Variants in SORCS2 observed in about 807,000 individuals in gnomAD.
SORCS2 encodes sortilin related VPS10 domain containing receptor 2.
In SORCS2, 100 loss-of-function variants were observed where a neutral mutation model predicts 141.6. That is an observed-to-expected ratio of 0.71 (90% CI 0.60 to 0.83). The LOEUF is 0.83. SORCS2 is among the 40% of genes least tolerant of loss of function. SORCS2 has a pLI of 0.00. For synonymous variants in SORCS2, 789 were observed against 676.9 expected, an observed-to-expected ratio of 1.17 and a Z score of -2.57; for missense variants, 1,646 against 1,560.2, an observed-to-expected ratio of 1.05 and a Z score of -0.93.
chr4:7,688,607 C>A (rs1339144119), intron 10 of SORCS2, among the ~76,000 whole-genome samples: 1 of 152,144 alleles, frequency 6.6e-6, no homozygotes. Context: ...TTCATAAGGC[C>A]ACACTGCCAT....
intron 2 of SORCS2, among the ~76,000 whole-genome samples, chr4:7,464,717 A>G (rs1729508771): frequency 6.6e-6 from 1 of 151,436 alleles, no homozygotes; most frequent in Non-Finnish European, 1.5e-5. Flanking sequence ...ATCAATGACA[A>G]ATAAAAAACA....
chr4:7,470,807 C>T (rs935140746), intron 2 of SORCS2, among the ~76,000 whole-genome samples: 2 of 152,236 alleles, frequency 1.3e-5, no homozygotes, highest in African/African-American at 4.8e-5. Flanking sequence ...CTCTGACCAC[C>T]CCACTGCTTC....
At chr4:7,266,853 G>A (rs1424822541) in intron 1 of SORCS2, among the ~76,000 whole-genome samples, 1 of 152,170 alleles carries the variant, frequency 6.6e-6, no homozygotes, top group Admixed American at 6.5e-5. Flanking sequence ...CAGGCTGCCG[G>A]GCTCGAGTCC....
intron 1 of SORCS2, among the ~76,000 whole-genome samples, chr4:7,280,907 G>C (rs1429189390): frequency 2.6e-5 from 4 of 152,134 alleles, no homozygotes; most frequent in Admixed American, 2.6e-4. Flanking sequence ...TCCAGCACTC[G>C]GTAGGCATGA....
intron 1 of SORCS2, among the ~76,000 whole-genome samples, chr4:7,392,348 C>T (rs1723920485): frequency 6.6e-6 from 1 of 151,970 alleles, no homozygotes; most frequent in Non-Finnish European, 1.5e-5. Context: ...CGGGGAGCCC[C>T]CGGACATCAG....
chr4:7,211,547 A>G (rs1243393020), intron 1 of SORCS2, among the ~76,000 whole-genome samples: 1 of 152,036 alleles, frequency 6.6e-6, no homozygotes, highest in Non-Finnish European at 1.5e-5. Context: ...TAATTTTTGT[A>G]TTTTTGGTAG....
chr4:7,242,891 A>G (rs1430312075), intron 1 of SORCS2, among the ~76,000 whole-genome samples: 2 of 152,184 alleles, frequency 1.3e-5, no homozygotes, highest in South Asian at 2.1e-4. Context: ...TGCCGTCACA[A>G]TCGCTTGGCC....
At chr4:7,675,934 G>A in intron 8 of SORCS2, 116 bp from the exon 9 acceptor site, 2 of 1,215,260 alleles carry the variant, frequency 1.6e-6, no homozygotes, top group Non-Finnish European at 2.3e-6. Context: ...AGGCCAGGCT[G>A]GCTCCAGGAG....
chr4:7,634,121 C>G lies in SORCS2; in HGVS notation c.649-4207C>G, dbSNP rs1222807169. Among the ~76,000 whole-genome samples, 2 of 59,696 alleles carry G rather than the reference C, an allele frequency of 3.4e-5. 1 individual carries two copies. Among genetic ancestry groups the G allele is most frequent in the Non-Finnish European group, 1.0e-4 (2 of 19,978 alleles). The allele number at this position is 59,696 out of a possible 152,430, so 39.2% of individuals were successfully genotyped here. A position where few individuals can be genotyped will look rare whatever the true frequency, so the allele number is the denominator to read the frequency against. On this transcript the variant is annotated intron_variant, in intron 3 of 26. Transcript: ENST00000507866. ...CGGGCACCGTGGCTCATGCCTTAAT[C>G]CTAGCACTTTGGGAGGCCAAGGCGG... is the stretch of plus-strand genomic sequence containing the variant.
chr4:7,291,080 G>A (rs1336520076), intron 1 of SORCS2, among the ~76,000 whole-genome samples: 1 of 152,148 alleles, frequency 6.6e-6, no homozygotes, highest in Non-Finnish European at 1.5e-5. Context: ...ACAGGGCATG[G>A]AGCAGGGGGG....
At position 7,663,235 on chromosome 4, in the gene SORCS2, ATAAG is replaced by A. The variant is rs1438506723; in HGVS notation, c.953-1116_953-1113del. On this transcript the variant is annotated intron_variant, in intron 6 of 26. Transcript: ENST00000507866. This position sits in a 1 kb window ranked among gnomAD's most constrained non-coding sequence, Gnocchi z 4.8. ...GAGTGAATGAGTGAGTGAAGAGTGAATAAGTGAGTGAGTGAAGAGTGAATAAGTG... is the reference window on the plus strand; with the variant it reads ...GAGTGAATGAGTGAGTGAAGAGTGAATGAGTGAGTGAAGAGTGAATAAGTG... Among the ~76,000 whole-genome samples, 11 of 151,532 alleles carry A rather than the reference ATAAG, an allele frequency of 7.3e-5. No homozygotes were observed. The highest frequency in any genetic ancestry group is 3.9e-4 in the East Asian group (2 of 5,118).
intron 1 of SORCS2, among the ~76,000 whole-genome samples, chr4:7,325,057 C>G (rs12503728): frequency 6.6e-6 from 1 of 152,110 alleles, no homozygotes; most frequent in African/African-American, 2.4e-5. Flanking sequence ...GGGCTGCAGA[C>G]GAGGCTGTCA....
chr4:7,622,467 G>A (rs1276307410), intron 3 of SORCS2, among the ~76,000 whole-genome samples: 1 of 152,192 alleles, frequency 6.6e-6, no homozygotes, highest in African/African-American at 2.4e-5. Flanking sequence ...CAACTGCAGT[G>A]ATTCCAGCAT....
At chr4:7,253,991 C>G (rs1713677033) in intron 1 of SORCS2, among the ~76,000 whole-genome samples, 2 of 152,162 alleles carry the variant, frequency 1.3e-5, no homozygotes, top group Non-Finnish European at 2.9e-5. Context: ...TCACCCCAGT[C>G]AGAATGGCTA....
chr4:7,288,557 C>T (rs874629), intron 1 of SORCS2, among the ~76,000 whole-genome samples: 33 of 12,524 alleles, frequency 2.6e-3, no homozygotes, highest in Admixed American at 0.015. Context: ...GGGCGGGGGG[C>T]GGGGGGCGGG....
intron 3 of SORCS2, among the ~76,000 whole-genome samples, chr4:7,565,933 A>C (rs1714958368): frequency 7.0e-6 from 1 of 141,896 alleles, no homozygotes; most frequent in Non-Finnish European, 1.6e-5. Flanking sequence ...GATGGCAATG[A>C]TAGTGATGAT....
rs1713821763 is a variant in SORCS2, at chr4:7,255,844, C to T, written c.480+62718C>T. On this transcript the variant is annotated intron_variant, in intron 1 of 26. Coordinates refer to ENST00000507866, the MANE Select transcript of SORCS2 (RefSeq NM_020777.3). Reference sequence around the variant, plus strand: ...GGAGCGTGGGGACCCGGGGTTGGTGCGTGGGGACCCGGGGCTGGAGCGTGG... The same window carrying T: ...GGAGCGTGGGGACCCGGGGTTGGTGTGTGGGGACCCGGGGCTGGAGCGTGG... 1.3e-5 allele frequency among the ~76,000 whole-genome samples: 2 copies of T among 148,934 alleles called. 1 individual carries two copies. Among genetic ancestry groups the T allele is most frequent in the South Asian group, 4.4e-4 (2 of 4,574 alleles).
chr4:7,693,389 C>T (rs1464155660), intron 11 of SORCS2, among the ~76,000 whole-genome samples: 2 of 152,230 alleles, frequency 1.3e-5, no homozygotes, highest in Admixed American at 6.5e-5. Context: ...GGCTGCTCTC[C>T]ATGCCCAGGG....
At chr4:7,370,691 C>T (rs1269507243) in intron 1 of SORCS2, among the ~76,000 whole-genome samples, 4 of 152,170 alleles carry the variant, frequency 2.6e-5, no homozygotes, top group African/African-American at 4.8e-5. Flanking sequence ...AGCTGGTGTC[C>T]CCACGAGGCT....
Sources: allele counts gnomAD v4.1 joint callset (sites outside exome capture counted in the v4.1 genomes callset), GRCh38; gene constraint gnomAD v4.1.1; non-coding constraint Gnocchi (gnomAD v3.1); transcripts MANE v1.5; gene names NCBI Gene and HGNC (gene_info 2026-07-23, HGNC 2026-07-21).